Variants in KPNA1 observed in about 807,000 individuals in gnomAD.
The protein encoded by KPNA1 is karyopherin subunit alpha 1, also known as importin subunit alpha-5.
In KPNA1, 10 loss-of-function variants were observed where a neutral mutation model predicts 70.5. That is an observed-to-expected ratio of 0.14 (90% CI 0.09 to 0.24). KPNA1 has a LOEUF of 0.24. Ranked by LOEUF, KPNA1 falls within the 10% of genes least tolerant of loss-of-function variation. The pLI is 1.00. For synonymous variants in KPNA1, 192 were observed against 221.9 expected (o/e 0.87, Z 1.20); for missense variants, 397 against 637.9 (o/e 0.62, Z 4.07).
At chr3:122,496,647 C>G in intron 1 of KPNA1, 77 bp from the exon 2 acceptor site, 2 of 1,325,860 alleles carry the variant, frequency 1.5e-6, no homozygotes. Flanking sequence ...GTCTTTTAAA[C>G]ATATACATGC....
intron 1 of KPNA1, among the ~76,000 whole-genome samples, chr3:122,500,314 G>A (rs995331922): frequency 1.3e-4 from 19 of 151,822 alleles, no homozygotes; most frequent in African/African-American, 2.2e-4. Context: ...TAGAGACAGC[G>A]TTTCACCATG....
At chr3:122,439,427 C>CAATT (rs2076034391) in intron 10 of KPNA1, among the ~76,000 whole-genome samples, 2 of 152,056 alleles carry the variant, frequency 1.3e-5, no homozygotes, top group Admixed American at 1.3e-4. Flanking sequence ...TGGGCTCAGG[C>CAATT]AATTCTCTCA....
chr3:122,501,760 C>T (rs2076831932), intron 1 of KPNA1, among the ~76,000 whole-genome samples: 1 of 152,138 alleles, frequency 6.6e-6, no homozygotes, highest in Admixed American at 6.5e-5. Flanking sequence ...GTTTATTGTA[C>T]TGATTCCTTC....
chr3:122,480,596 C>G lies in KPNA1; in HGVS notation c.130-13167G>C, dbSNP rs539266241. Among the ~76,000 whole-genome samples the G allele has an allele frequency of 4.8e-4, 72 of 151,070 alleles. No homozygotes were observed. In the South Asian group the frequency reaches 6.1e-3, roughly 13 times the overall value. ...AAGGAAACTAACACCAGATGAAATA[C>G]AGATCTACAAAAAGGAATAAAGACC... On this transcript the variant is annotated intron_variant, in intron 2 of 13. Coordinates refer to ENST00000344337, the MANE Select transcript of KPNA1 (RefSeq NM_002264.4).
chr3:122,441,880 C>T (rs1219914187), intron 10 of KPNA1, among the ~76,000 whole-genome samples, 158 bp downstream of exon 10: 1 of 152,188 alleles, frequency 6.6e-6, no homozygotes, highest in Non-Finnish European at 1.5e-5. Context: ...GGATTACAGG[C>T]GTGAGTGACC....
intron 5 of KPNA1, chr3:122,459,300 T>C: frequency 2.9e-6 from 1 of 349,870 alleles, no homozygotes; most frequent in Non-Finnish European, 4.0e-6. Context: ...ATATACCATC[T>C]ATATTTAATG....
At chr3:122,463,663 AT>A (rs1311587030) in intron 4 of KPNA1, among the ~76,000 whole-genome samples, 1 of 152,174 alleles carries the variant, frequency 6.6e-6, no homozygotes, top group Non-Finnish European at 1.5e-5. Context: ...CAGTCTCTCA[AT>A]TTGAATTAAC....
At chr3:122,429,130 A>C (rs1358531104) in intron 12 of KPNA1, among the ~76,000 whole-genome samples, 2 of 152,214 alleles carry the variant, frequency 1.3e-5, no homozygotes, top group East Asian at 1.9e-4. Flanking sequence ...AGCATTTAAC[A>C]AAATCTAATA....
chr3:122,461,380 G>A (rs2076322516), intron 4 of KPNA1, 62 bp from the exon 5 acceptor site: 10 of 1,063,930 alleles, frequency 9.4e-6, no homozygotes, highest in Non-Finnish European at 1.4e-5. Context: ...GAACTTAACA[G>A]CTCAAAACTT....
intron 2 of KPNA1, among the ~76,000 whole-genome samples, chr3:122,489,055 T>TGC (rs201104568): frequency 7.5e-6 from 1 of 133,010 alleles, no homozygotes; most frequent in Non-Finnish European, 1.6e-5. Flanking sequence ...TTTTTTTGCG[T>TGC]GCGTGTGTGT....
chr3:122,481,518 G>A (rs867451002), intron 2 of KPNA1, among the ~76,000 whole-genome samples: 4 of 152,180 alleles, frequency 2.6e-5, no homozygotes, highest in Non-Finnish European at 5.9e-5. Context: ...GGTCCTAAGC[G>A]GGGAGCAGAG....
chr3:122,434,955 A>C (rs2075965089), intron 11 of KPNA1, among the ~76,000 whole-genome samples: 1 of 152,200 alleles, frequency 6.6e-6, no homozygotes, highest in Non-Finnish European at 1.5e-5. Context: ...TGGGGACAAA[A>C]TGCTTTCCTG....
chr3:122,455,386 C>T (rs941286012), intron 5 of KPNA1, among the ~76,000 whole-genome samples: 9 of 152,106 alleles, frequency 5.9e-5, no homozygotes, highest in Admixed American at 5.9e-4. Flanking sequence ...TATCTGGTCC[C>T]TTTTTGTTAT....
chr3:122,478,700 C>T (rs1387417226), intron 2 of KPNA1, among the ~76,000 whole-genome samples: 1 of 150,344 alleles, frequency 6.7e-6, no homozygotes, highest in African/African-American at 2.5e-5. Context: ...TGCACTCCAG[C>T]CTCGGCTACA....
At chr3:122,465,205 A>G (rs1350509634) in intron 3 of KPNA1, among the ~76,000 whole-genome samples, 3 of 152,202 alleles carry the variant, frequency 2.0e-5, no homozygotes, top group Non-Finnish European at 4.4e-5. Flanking sequence ...TCTTCCGCAG[A>G]AGGAGTTAGT....
intron 10 of KPNA1, among the ~76,000 whole-genome samples, chr3:122,438,677 C>A (rs1032157666): frequency 6.6e-6 from 1 of 152,138 alleles, no homozygotes; most frequent in Non-Finnish European, 1.5e-5. Context: ...GGAGCCACCA[C>A]GCTCGGCCAG....
intron 5 of KPNA1, among the ~76,000 whole-genome samples, chr3:122,457,007 T>C (rs1259648648): frequency 1.3e-5 from 2 of 152,246 alleles, no homozygotes; most frequent in Non-Finnish European, 2.9e-5. Context: ...GTGATATGTA[T>C]GTATGTTTAT....
intron 10 of KPNA1, among the ~76,000 whole-genome samples, chr3:122,441,755 A>G (rs1476070680): frequency 6.6e-6 from 1 of 152,018 alleles, no homozygotes; most frequent in African/African-American, 2.4e-5. Context: ...GTGTGCAACC[A>G]CGCCCGGCTA....
intron 10 of KPNA1, among the ~76,000 whole-genome samples, chr3:122,439,966 A>G (rs2076041533): frequency 6.6e-6 from 1 of 152,200 alleles, no homozygotes; most frequent in Non-Finnish European, 1.5e-5. Flanking sequence ...AAGAAGATAT[A>G]CTGTGAGACA....
Sources: allele counts gnomAD v4.1 joint callset (sites outside exome capture counted in the v4.1 genomes callset), GRCh38; gene constraint gnomAD v4.1.1; transcripts MANE v1.5; gene names NCBI Gene and HGNC (gene_info 2026-07-23, HGNC 2026-07-21).